CDK5RAP2: variants seen among roughly 807,000 people sequenced by gnomAD.
CDK5RAP2 encodes the protein CDK5 regulatory subunit-associated protein 2.
CDK5RAP2 carries 147 observed loss-of-function variants against 232.9 expected under a neutral mutation model. That is an observed-to-expected ratio of 0.63 (90% confidence interval 0.55 to 0.72). CDK5RAP2 has a LOEUF of 0.72. Among genes scored for constraint, CDK5RAP2 ranks in the 30% least tolerant of loss-of-function variants. The pLI is 0.00. For missense variants in CDK5RAP2, 2,195 were observed against 2,231.5 expected (o/e 0.98, Z 0.33); for synonymous variants, 833 against 833.7 (o/e 1.00, Z 0.01).
intron 28 of CDK5RAP2, among the ~76,000 whole-genome samples, chr9:120,414,295 A>G (rs1345459401): frequency 6.6e-6 from 1 of 152,214 alleles, no homozygotes. Context: ...AGCAGGGTCC[A>G]CACTCCGGCC....
At chr9:120,508,986 G>T (rs1480230142) in intron 12 of CDK5RAP2, among the ~76,000 whole-genome samples, 3 of 152,186 alleles carry the variant, frequency 2.0e-5, no homozygotes, top group African/African-American at 7.2e-5. Flanking sequence ...TGACATAAGG[G>T]AAAGTCTCCC....
intron 11 of CDK5RAP2, among the ~76,000 whole-genome samples, chr9:120,520,434 G>C (rs1013257846): frequency 1.3e-5 from 2 of 152,176 alleles, no homozygotes; most frequent in African/African-American, 4.8e-5. Context: ...CTGAAGTCAG[G>C]AGTTCAAGAC....
chr9:120,538,735 G>A (rs1316935331), intron 6 of CDK5RAP2, among the ~76,000 whole-genome samples: 1 of 152,150 alleles, frequency 6.6e-6, no homozygotes, highest in Non-Finnish European at 1.5e-5. Context: ...TTTAAAATCC[G>A]CATAGTTAAA....
intron 21 of CDK5RAP2, among the ~76,000 whole-genome samples, chr9:120,452,687 A>G (rs1475362212): frequency 6.6e-6 from 1 of 151,200 alleles, no homozygotes; most frequent in Non-Finnish European, 1.5e-5. Flanking sequence ...ACTTGATAGG[A>G]TGTGCAGAGC....
chr9:120,560,574 T>C lies in CDK5RAP2; in HGVS notation c.195+7747A>G, dbSNP rs576631735. Among the ~76,000 whole-genome samples the C allele has an allele frequency of 4.6e-5, 7 of 152,328 alleles. No homozygotes were observed. The South Asian group carries it at 1.4e-3, about 32-fold the overall frequency. On this transcript the variant is annotated intron_variant, in intron 3 of 37. Transcript: ENST00000349780. ...ATGAAGTCATCAATTTTTAAATTTT[T>C]ACATCTAGGGAAGTATTCTGGTCTG...
At chr9:120,498,153 A>G (rs542412209) in intron 12 of CDK5RAP2, among the ~76,000 whole-genome samples, 9 of 151,966 alleles carry the variant, frequency 5.9e-5, no homozygotes, top group Non-Finnish European at 1.0e-4. Flanking sequence ...TATTCTCACC[A>G]CCTGTTTCTT....
At chr9:120,486,975 G>T (rs2038644254) in intron 14 of CDK5RAP2, among the ~76,000 whole-genome samples, 1 of 152,180 alleles carries the variant, frequency 6.6e-6, no homozygotes, top group Non-Finnish European at 1.5e-5. Context: ...GCCATTTTCT[G>T]CGTGAATTTA....
chr9:120,575,844 G>A (rs976701023), intron 1 of CDK5RAP2, among the ~76,000 whole-genome samples: 4 of 152,136 alleles, frequency 2.6e-5, no homozygotes, highest in African/African-American at 7.2e-5. Context: ...CAATCAAACA[G>A]TATACATCAT....
chr9:120,474,589 C>G (rs1435490839), intron 15 of CDK5RAP2, among the ~76,000 whole-genome samples: 2 of 152,162 alleles, frequency 1.3e-5, no homozygotes, highest in Non-Finnish European at 2.9e-5. Context: ...TCAGCAAGAA[C>G]CTGGGTTGGG....
chr9:120,414,912 A>T, intron 28 of CDK5RAP2, 128 bp downstream of exon 28: 1 of 1,118,504 alleles, frequency 8.9e-7, no homozygotes, highest in African/African-American at 1.5e-5. Context: ...AGGCTGGCAG[A>T]CTTCTCCAAG....
chr9:120,447,807 C>T (rs2036273075), intron 22 of CDK5RAP2, 88 bp downstream of exon 22: 1 of 962,430 alleles, frequency 1.0e-6, no homozygotes, highest in Admixed American at 1.7e-5. Context: ...AAACTTATTG[C>T]AATTCTAAAC....
At chr9:120,520,844 CAT>C (rs1175069113) in intron 11 of CDK5RAP2, among the ~76,000 whole-genome samples, 1 of 151,230 alleles carries the variant, frequency 6.6e-6, no homozygotes, top group Non-Finnish European at 1.5e-5. Flanking sequence ...AGCTGTATCT[CAT>C]ATATATCTCA....
intron 17 of CDK5RAP2, among the ~76,000 whole-genome samples, chr9:120,468,855 T>G (rs2037531808): frequency 6.6e-6 from 1 of 152,230 alleles, no homozygotes; most frequent in African/African-American, 2.4e-5. Context: ...CAAGGCTTCT[T>G]GATGGAAGCG....
At chr9:120,576,235 T>C (rs2043026433) in intron 1 of CDK5RAP2, among the ~76,000 whole-genome samples, 1 of 152,232 alleles carries the variant, frequency 6.6e-6, no homozygotes. Flanking sequence ...TGCACAAGTA[T>C]GAGGATTTCT....
chr9:120,514,485 G>C (rs1405925207), intron 12 of CDK5RAP2, among the ~76,000 whole-genome samples: 1 of 152,206 alleles, frequency 6.6e-6, no homozygotes, highest in Non-Finnish European at 1.5e-5. Context: ...GGGCAGCAAA[G>C]TGTGGGAGTT....
At chr9:120,527,058 A>T (rs532001080) in intron 10 of CDK5RAP2, among the ~76,000 whole-genome samples, 2 of 152,024 alleles carry the variant, frequency 1.3e-5, no homozygotes, top group South Asian at 4.2e-4. Context: ...ACAACCCTCA[A>T]CACTCTTTCT....
chr9:120,561,986 G>T (rs1197966103), intron 3 of CDK5RAP2, among the ~76,000 whole-genome samples: 1 of 152,112 alleles, frequency 6.6e-6, no homozygotes, highest in Admixed American at 6.5e-5. Context: ...TAAGCTCATG[G>T]GCAAGTTGTT....
intron 12 of CDK5RAP2, among the ~76,000 whole-genome samples, chr9:120,511,627 G>A (rs2040088235): frequency 6.6e-6 from 1 of 151,872 alleles, no homozygotes; most frequent in Non-Finnish European, 1.5e-5. Context: ...TCATCTTACA[G>A]ACACTGCAGA....
rs377469890 is a variant in CDK5RAP2 at position 120,487,271 on chromosome 9, T to C, written c.1626+23A>G. ...GTGTATGAATCCATTCGCATGTGAA[T>C]GTCCAATTTCAGTCAAGCTTACCTT... On this transcript the variant is annotated intron_variant, in intron 14 of 37. Coordinates refer to ENST00000349780, the MANE Select transcript of CDK5RAP2 (RefSeq NM_018249.6). The C allele has an allele frequency of 1.2e-5, 20 of 1,613,590 alleles. No homozygotes were observed. In the African/African-American group the frequency reaches 2.5e-4, roughly 20 times the overall value.
Sources: allele counts gnomAD v4.1 joint callset (sites outside exome capture counted in the v4.1 genomes callset), GRCh38; gene constraint gnomAD v4.1.1; transcripts MANE v1.5; gene names NCBI Gene and HGNC (gene_info 2026-07-23, HGNC 2026-07-21).